DEK: variants seen among roughly 807,000 people sequenced by gnomAD.
DEK encodes protein DEK.
A neutral mutation model predicts 46.8 loss-of-function variants in DEK; 28 were observed. That is an observed-to-expected ratio of 0.60 (90% confidence interval 0.44 to 0.82). DEK has a LOEUF of 0.82. Ranked by LOEUF, DEK falls within the 40% of genes least tolerant of loss-of-function variation. The pLI is 0.00. For missense variants in DEK, 416 were observed against 430.6 expected, an observed-to-expected ratio of 0.97 and a Z score of 0.30; for synonymous variants, 160 against 144.5, an observed-to-expected ratio of 1.11 and a Z score of -0.77.
In DEK at chr6:18,263,990, T is replaced by C. The variant is rs754247995; in HGVS notation, c.-3A>G. Reference sequence around the variant, plus strand: ...GCAGCAGGGGCCGAGGCGGACATGCTGTGAACCTGCATGCGGGAAGAAAGC... The same window carrying C: ...GCAGCAGGGGCCGAGGCGGACATGCCGTGAACCTGCATGCGGGAAGAAAGC... On this transcript the variant is annotated 5_prime_UTR_variant, in exon 2 of 11. Transcript: ENST00000652689. 32 of 1,601,028 alleles carry C rather than the reference T, an allele frequency of 2.0e-5. No homozygotes were observed. In the South Asian group the frequency reaches 2.8e-4, roughly 14 times the overall value.
chr6:18,261,620 AC>A (rs2151096354), intron 2 of DEK, among the ~76,000 whole-genome samples: 1 of 152,074 alleles, frequency 6.6e-6, no homozygotes, highest in East Asian at 1.9e-4. Context: ...CCAAACAAAA[AC>A]CAAACCAGAC....
At chr6:18,236,163 C>T (rs1354570289) in intron 9 of DEK, among the ~76,000 whole-genome samples, 1 of 152,144 alleles carries the variant, frequency 6.6e-6, no homozygotes, top group Non-Finnish European at 1.5e-5. Context: ...TCAATAGAAA[C>T]AACCTACAGA....
intron 6 of DEK, among the ~76,000 whole-genome samples, chr6:18,255,179 G>A (rs1403077992): frequency 6.6e-6 from 1 of 152,208 alleles, no homozygotes; most frequent in East Asian, 1.9e-4. Flanking sequence ...AAACCTACTA[G>A]CTTTTAGGAA....
chr6:18,226,960 T>G (rs965595476), intron 9 of DEK, among the ~76,000 whole-genome samples: 41 of 152,212 alleles, frequency 2.7e-4, no homozygotes, highest in Non-Finnish European at 1.0e-4. Flanking sequence ...GTTAAACAGA[T>G]GCTTGAAGGC....
Position 18,264,398 on chromosome 6 carries a change from C to G in DEK, c.-23G>C. On this transcript the variant is annotated 5_prime_UTR_variant, in exon 1 of 11. Transcript: ENST00000652689. ...AGCAGCCCTTACCGCGGATTTCGGC[C>G]GCCGCGGGCCTGGCACGCGAGGGCA... 1 of 229,386 alleles carries G rather than the reference C, an allele frequency of 4.4e-6. No individual in the cohort carries two copies. The highest frequency in any genetic ancestry group is 8.9e-6 in the Non-Finnish European group (1 of 112,174). 14.2% of individuals were successfully genotyped at this position (229,386 alleles called of 1,614,324 possible). A position where few individuals can be genotyped will look rare whatever the true frequency, so the allele number is the denominator to read the frequency against.
chr6:18,238,351 T>C (rs1339135457), intron 7 of DEK, among the ~76,000 whole-genome samples: 2 of 152,112 alleles, frequency 1.3e-5, no homozygotes, highest in Non-Finnish European at 2.9e-5. Context: ...CTTGTGTTCT[T>C]AAACACTAAC....
intron 9 of DEK, among the ~76,000 whole-genome samples, chr6:18,234,569 G>T (rs62395759): frequency 6.6e-6 from 1 of 151,996 alleles, no homozygotes; most frequent in Non-Finnish European, 1.5e-5. Context: ...TTCCACCAAT[G>T]GCAGTTTCAT....
intron 9 of DEK, among the ~76,000 whole-genome samples, chr6:18,229,152 C>T (rs2151076778): frequency 6.6e-6 from 1 of 152,320 alleles, no homozygotes; most frequent in East Asian, 1.9e-4. Context: ...CAGCAAACTC[C>T]AACAGACCTG....
chr6:18,243,998 C>CA (rs990661983), intron 7 of DEK, among the ~76,000 whole-genome samples: 3 of 152,098 alleles, frequency 2.0e-5, no homozygotes, highest in Non-Finnish European at 4.4e-5. Context: ...TACTGACCCC[C>CA]ATTTTAAGTC....
At chr6:18,239,582 T>C (rs534031359) in intron 7 of DEK, among the ~76,000 whole-genome samples, 26 of 152,188 alleles carry the variant, frequency 1.7e-4, no homozygotes, top group Admixed American at 4.6e-4. Context: ...GGGAAGCATG[T>C]AGTTTAACTG....
Position 18,249,637 on chromosome 6 carries a change from G to A in DEK, c.762+14C>T. The A allele has an allele frequency of 6.5e-7, 1 of 1,548,160 alleles. No homozygotes were observed. Among genetic ancestry groups the A allele is most frequent in the Non-Finnish European group, 8.7e-7 (1 of 1,151,764 alleles). ...TGGAAAGAAATGATTTAAAAATATA[G>A]TAAAATATTTTACCTCCTCTTCACT... On this transcript the variant is annotated intron_variant, in intron 7 of 10. Coordinates refer to ENST00000652689, the MANE Select transcript of DEK (RefSeq NM_003472.4).
chr6:18,236,669 A>G, intron 8 of DEK, 69 bp from the exon 9 acceptor site: 1 of 1,150,230 alleles, frequency 8.7e-7, no homozygotes, highest in Admixed American at 3.4e-5. Context: ...GCTGAGATGA[A>G]TTTTAAGCTT....
intron 4 of DEK, among the ~76,000 whole-genome samples, chr6:18,257,375 C>T (rs562615007): frequency 3.3e-5 from 5 of 152,184 alleles, no homozygotes; most frequent in South Asian, 2.1e-4. Flanking sequence ...ATTTGGATTT[C>T]GTAATTTGAA....
chr6:18,250,684 C>G (rs1358957613), intron 6 of DEK, among the ~76,000 whole-genome samples: 1 of 132,602 alleles, frequency 7.5e-6, no homozygotes, highest in African/African-American at 2.8e-5. Context: ...TTAGTAGAGA[C>G]AGTGTTTCAC....
intron 7 of DEK, among the ~76,000 whole-genome samples, chr6:18,238,474 G>A (rs1024245760): frequency 8.6e-5 from 13 of 151,678 alleles, no homozygotes; most frequent in South Asian, 2.1e-4. Flanking sequence ...CAAGGCGGGC[G>A]GATCATGAGA....
intron 6 of DEK, among the ~76,000 whole-genome samples, chr6:18,252,286 G>A (rs529300820): frequency 1.3e-5 from 2 of 152,146 alleles, no homozygotes; most frequent in South Asian, 4.1e-4. Flanking sequence ...AAGGTGAGAG[G>A]ATCACATGAG....
intron 9 of DEK, among the ~76,000 whole-genome samples, chr6:18,229,804 T>C (rs376760328): frequency 6.6e-6 from 1 of 152,152 alleles, no homozygotes; most frequent in Admixed American, 6.5e-5. Flanking sequence ...AAAACACTCT[T>C]CAGGATATTA....
intron 7 of DEK, among the ~76,000 whole-genome samples, chr6:18,243,433 G>A (rs1377367937): frequency 6.6e-6 from 1 of 152,034 alleles, no homozygotes; most frequent in East Asian, 1.9e-4. Flanking sequence ...ACACAACAAT[G>A]CCCAGCTTCA....
At chr6:18,225,847 A>G (rs1790100696) in intron 10 of DEK, 117 bp from the exon 11 acceptor site, 1 of 1,217,828 alleles carries the variant, frequency 8.2e-7, no homozygotes, top group Non-Finnish European at 1.2e-6. Flanking sequence ...ACAGAATTAC[A>G]GCTACCTGCT....
Sources: gnomAD v4.1 joint callset for allele counts (sites outside exome capture counted in the v4.1 genomes callset) on GRCh38, gnomAD v4.1.1 for gene constraint, MANE v1.5 for transcripts, NCBI Gene and HGNC (gene_info 2026-07-23, HGNC 2026-07-21) for gene names.